Variants in KCNQ5 observed in about 807,000 individuals in gnomAD.
The protein encoded by KCNQ5 is potassium voltage-gated channel subfamily Q member 5.
In KCNQ5, 30 loss-of-function variants were observed where a neutral mutation model predicts 98.2. That is an observed-to-expected ratio of 0.31 (90% CI 0.23 to 0.41). The LOEUF (loss-of-function observed/expected upper bound fraction) is 0.41. Among genes scored for constraint, KCNQ5 ranks in the 10% least tolerant of loss-of-function variants. The probability of loss-of-function intolerance (pLI) is 1.00; values close to 1 mark genes in which losing one functional copy is unlikely to be tolerated. For missense variants in KCNQ5, 835 were observed against 1,182.5 expected, an observed-to-expected ratio of 0.71 and a Z score of 4.31; for synonymous variants, 458 against 449.4, an observed-to-expected ratio of 1.02 and a Z score of -0.24.
At chr6:72,649,019 T>C (rs1227689485) in intron 1 of KCNQ5, among the ~76,000 whole-genome samples, 10 of 152,142 alleles carry the variant, frequency 6.6e-5, no homozygotes, top group African/African-American at 2.4e-4. Flanking sequence ...TGAGTGAAAT[T>C]AGCTTTTGAT....
At chr6:72,868,271 A>G (rs1206583637) in intron 1 of KCNQ5, among the ~76,000 whole-genome samples, 1 of 152,222 alleles carries the variant, frequency 6.6e-6, no homozygotes. Flanking sequence ...GCCCAAAAGC[A>G]CTGTGTGTGT....
intron 1 of KCNQ5, among the ~76,000 whole-genome samples, chr6:72,865,356 A>C (rs1777935671): frequency 1.3e-5 from 2 of 152,244 alleles, no homozygotes; most frequent in South Asian, 4.1e-4. Flanking sequence ...CAAAATACAG[A>C]AAATTCATAA....
chr6:72,864,662 T>C (rs1033038410), intron 1 of KCNQ5, among the ~76,000 whole-genome samples: 8 of 152,136 alleles, frequency 5.3e-5, no homozygotes, highest in African/African-American at 1.9e-4. Context: ...CATCACTACA[T>C]AATTTAATTT....
At chr6:73,090,495 T>C (rs1432129510) in intron 5 of KCNQ5, among the ~76,000 whole-genome samples, 2 of 152,214 alleles carry the variant, frequency 1.3e-5, no homozygotes, top group African/African-American at 4.8e-5. Context: ...TAACTCAATG[T>C]ATAGAAGGGT....
chr6:72,736,817 G>T (rs1242727313), intron 1 of KCNQ5, among the ~76,000 whole-genome samples: 2 of 151,872 alleles, frequency 1.3e-5, no homozygotes, highest in Non-Finnish European at 2.9e-5. Context: ...AGATTTCAAA[G>T]GAAAAAATTT....
intron 9 of KCNQ5, among the ~76,000 whole-genome samples, chr6:73,125,761 C>A (rs999619191): frequency 6.6e-6 from 1 of 152,140 alleles, no homozygotes; most frequent in South Asian, 2.1e-4. Flanking sequence ...GGATATACAA[C>A]ATCAGGCACA....
chr6:73,184,604 G>A (rs1392074794), intron 11 of KCNQ5, among the ~76,000 whole-genome samples: 1 of 152,214 alleles, frequency 6.6e-6, no homozygotes, highest in Non-Finnish European at 1.5e-5. Context: ...AAAGAGCACA[G>A]TTCCTGGCAT....
chr6:72,859,552 G>C (rs1470440319), intron 1 of KCNQ5, among the ~76,000 whole-genome samples: 1 of 151,076 alleles, frequency 6.6e-6, no homozygotes, highest in African/African-American at 2.4e-5. Flanking sequence ...CTTGTGTCTT[G>C]TGCCTGCTTC....
chr6:72,665,627 A>G (rs531251426), intron 1 of KCNQ5, among the ~76,000 whole-genome samples: 3 of 152,330 alleles, frequency 2.0e-5, no homozygotes, highest in East Asian at 3.9e-4. Flanking sequence ...TCTCTGCCCA[A>G]AGCAACCAGA....
intron 1 of KCNQ5, among the ~76,000 whole-genome samples, chr6:72,815,655 A>G (rs1775472710): frequency 6.6e-6 from 1 of 152,230 alleles, no homozygotes; most frequent in Non-Finnish European, 1.5e-5. Context: ...GAGTAGTAGC[A>G]TGATCAGATT....
intron 1 of KCNQ5, among the ~76,000 whole-genome samples, chr6:72,640,484 TAAC>T (rs2098926636): frequency 6.6e-6 from 1 of 152,194 alleles, no homozygotes; most frequent in Non-Finnish European, 1.5e-5. Context: ...AACACTTATT[TAAC>T]AACAACATTG....
intron 1 of KCNQ5, among the ~76,000 whole-genome samples, chr6:72,947,465 A>G (rs533242696): frequency 6.6e-6 from 1 of 152,262 alleles, no homozygotes; most frequent in South Asian, 2.1e-4. Context: ...CATTTTAACT[A>G]CTTTAGAGGT....
chr6:73,115,617 C>G (rs1373725608), intron 7 of KCNQ5, among the ~76,000 whole-genome samples: 2 of 152,116 alleles, frequency 1.3e-5, no homozygotes, highest in Non-Finnish European at 2.9e-5. Flanking sequence ...GACAATGAAA[C>G]AATACTTTCG....
chr6:72,953,145 G>A (rs542037967), intron 1 of KCNQ5, among the ~76,000 whole-genome samples: 4 of 152,118 alleles, frequency 2.6e-5, no homozygotes, highest in Non-Finnish European at 5.9e-5. Flanking sequence ...AAACAGACTT[G>A]GTCCCTGCCC....
At chr6:73,031,299 C>A (rs914530688) in intron 2 of KCNQ5, among the ~76,000 whole-genome samples, 5 of 152,128 alleles carry the variant, frequency 3.3e-5, no homozygotes, top group African/African-American at 1.2e-4. Flanking sequence ...TCAAAATAAG[C>A]CCACACTGTC....
At chr6:73,152,121 C>T (rs1777175654) in intron 10 of KCNQ5, among the ~76,000 whole-genome samples, 1 of 152,088 alleles carries the variant, frequency 6.6e-6, no homozygotes, top group Admixed American at 6.6e-5. Context: ...ATCATACATT[C>T]CTGAGAAGAG....
intron 6 of KCNQ5, among the ~76,000 whole-genome samples, chr6:73,106,623 G>A (rs190938549): frequency 6.6e-6 from 1 of 152,100 alleles, no homozygotes; most frequent in African/African-American, 2.4e-5. Flanking sequence ...AAGAACACCA[G>A]TCATATTTGA....
chr6:73,084,647 A>G (rs2150398353), intron 5 of KCNQ5, among the ~76,000 whole-genome samples: 1 of 152,338 alleles, frequency 6.6e-6, no homozygotes, highest in South Asian at 2.1e-4. Context: ...CTCATCACCC[A>G]ATTCAATTGT....
chr6:73,121,296 A>G (rs1775737387), intron 8 of KCNQ5, among the ~76,000 whole-genome samples: 1 of 152,126 alleles, frequency 6.6e-6, no homozygotes, highest in South Asian at 2.1e-4. Context: ...AACCAAGGAC[A>G]TTATGGACAG....
Sources: gnomAD v4.1 joint callset for allele counts (sites outside exome capture counted in the v4.1 genomes callset) on GRCh38, gnomAD v4.1.1 for gene constraint, MANE v1.5 for transcripts, NCBI Gene and HGNC (gene_info 2026-07-23, HGNC 2026-07-21) for gene names.